The following BST1 variants were observed in gnomAD, a reference collection of about 807,000 sequenced individuals.
BST1 encodes ADP-ribosyl cyclase/cyclic ADP-ribose hydrolase 2.
Under a neutral mutation model 40.6 loss-of-function variants are expected in BST1, and 49 were observed. The observed-to-expected ratio is 1.21, with a 90% CI of 0.96 to 1.53. The LOEUF (loss-of-function observed/expected upper bound fraction) is 1.53, where lower values mean the gene tolerates loss of function less well. Among genes scored for constraint, BST1 ranks in the 40% most tolerant of loss-of-function variants. The probability of loss-of-function intolerance (pLI) is 0.00; values close to 1 mark genes in which losing one functional copy is unlikely to be tolerated. For missense variants in BST1, 423 were observed against 395.9 expected (o/e 1.07, Z -0.58); for synonymous variants, 157 against 159.3 (o/e 0.99, Z 0.11).
At chr4:15,714,387 G>A (rs1455026814) in intron 4 of BST1, among the ~76,000 whole-genome samples, 3 of 152,182 alleles carry the variant, frequency 2.0e-5, no homozygotes, top group South Asian at 4.2e-4. Context: ...CTGTGGACCT[G>A]TCTCACCCTT....
At chr4:15,731,380 G>A (rs1721364292) in intron 8 of BST1, 3 of 534,632 alleles carry the variant, frequency 5.6e-6, no homozygotes, top group Non-Finnish European at 1.0e-5. Flanking sequence ...TCCATGTGGT[G>A]GAAATCCACA....
the BST1 span, among the ~76,000 whole-genome samples, chr4:15,759,616 C>T: frequency 3.3e-5 from 5 of 151,904 alleles, no homozygotes; most frequent in African/African-American, 9.7e-5. Context: ...TCTTCTTCCT[C>T]ATTCCTTATT....
At chr4:15,720,003 A>G (rs1230923423) in intron 7 of BST1, among the ~76,000 whole-genome samples, 1 of 152,228 alleles carries the variant, frequency 6.6e-6, no homozygotes, top group Non-Finnish European at 1.5e-5. Context: ...CTATGTACAG[A>G]AAAATATACA....
At chr4:15,740,918 C>T (rs1387620018), downstream of BST1, among the ~76,000 whole-genome samples, 4 of 151,770 alleles carry the variant, frequency 2.6e-5, no homozygotes, top group South Asian at 6.2e-4. Context: ...CAACCTCTGT[C>T]GCAACTACTC....
At chr4:15,760,822 G>A in the BST1 span, among the ~76,000 whole-genome samples, 1 of 150,990 alleles carries the variant, frequency 6.6e-6, no homozygotes, top group South Asian at 2.1e-4. Context: ...ATGAGTAGTG[G>A]GGACCACAGG....
In BST1 at chr4:15,711,830, A is replaced by G. The variant is rs1396393458; in HGVS notation, c.475A>G (p.Thr159Ala). The G allele has an allele frequency of 4.3e-6, 7 of 1,614,078 alleles. No individual in the cohort carries two copies. Among genetic ancestry groups the G allele is most frequent in the South Asian group, 1.1e-5 (1 of 91,078 alleles). ...AGGACTCGATTACCAATCCTGCCCT[A>G]CATCAGAAGACTGTGAAAATAATCC... ...DSGLDYQSCP[T>A]SEDCENNPVD... Residue 159 changes from threonine (T) to alanine (A), a missense_variant, in exon 4 of 9, where the codon ACA (threonine) becomes GCA (alanine). Coordinates refer to ENST00000265016, the MANE Select transcript of BST1 (RefSeq NM_004334.3).
the BST1 span, among the ~76,000 whole-genome samples, chr4:15,759,345 A>G: frequency 1.3e-5 from 2 of 151,858 alleles, no homozygotes; most frequent in African/African-American, 2.4e-5. Context: ...ACCACACTCA[A>G]GTTTTCAAAT....
intron 8 of BST1, among the ~76,000 whole-genome samples, chr4:15,726,136 G>GTTTTTTTTT (rs58225702): frequency 2.8e-5 from 3 of 107,582 alleles, no homozygotes; most frequent in East Asian, 5.9e-4. Flanking sequence ...AACTTTTAAA[G>GTTTTTTTTT]TTTTTTTTTT....
chr4:15,715,926 G>C, intron 6 of BST1, 127 bp downstream of exon 6: 1 of 647,186 alleles, frequency 1.5e-6, no homozygotes, highest in South Asian at 3.0e-5. Flanking sequence ...TAATGGGGTT[G>C]GTAGAGAAAG....
At chr4:15,761,318 T>C in the BST1 span, among the ~76,000 whole-genome samples, 2 of 152,006 alleles carry the variant, frequency 1.3e-5, no homozygotes, top group Non-Finnish European at 2.9e-5. Context: ...ACTCTAGCTG[T>C]ACAGTTCTGG....
the BST1 span, among the ~76,000 whole-genome samples, chr4:15,749,249 G>T: frequency 2.6e-5 from 4 of 152,202 alleles, no homozygotes; most frequent in Non-Finnish European, 4.4e-5. Context: ...AGTCACAGGT[G>T]CTTCCCATTG....
intron 2 of BST1, 89 bp from the exon 3 acceptor site, chr4:15,707,422 G>C: frequency 4.0e-6 from 6 of 1,517,534 alleles, no homozygotes; most frequent in Non-Finnish European, 3.7e-6. Context: ...ATGAGAACTG[G>C]ATTGCCCAAC....
the BST1 span, among the ~76,000 whole-genome samples, chr4:15,750,420 G>A: frequency 6.6e-6 from 1 of 152,160 alleles, no homozygotes; most frequent in Non-Finnish European, 1.5e-5. Flanking sequence ...AAGAGTATTT[G>A]GCAATTCATT....
intron 7 of BST1, 102 bp from the exon 8 acceptor site, chr4:15,722,773 G>A (rs1720879498): frequency 1.1e-6 from 1 of 942,304 alleles, no homozygotes; most frequent in Admixed American, 2.0e-5. Context: ...ATTATTTGAG[G>A]TCAGAGACTA....
intron 4 of BST1, among the ~76,000 whole-genome samples, chr4:15,712,426 A>G (rs189788058): frequency 4.6e-5 from 7 of 152,348 alleles, no homozygotes; most frequent in Non-Finnish European, 8.8e-5. Flanking sequence ...ATAACATGCC[A>G]GTGACTACAG....
chr4:15,727,427 G>T (rs1483856343), intron 8 of BST1, among the ~76,000 whole-genome samples: 1 of 152,070 alleles, frequency 6.6e-6, no homozygotes, highest in Non-Finnish European at 1.5e-5. Flanking sequence ...CATCACCCTG[G>T]CAGGAATTTT....
intron 8 of BST1, among the ~76,000 whole-genome samples, chr4:15,725,947 CTTTTTTTTTTTT>C (rs1206237130): frequency 6.7e-5 from 4 of 60,114 alleles, no homozygotes; most frequent in South Asian, 1.7e-3. Flanking sequence ...GAAGTGCGGT[CTTTTTTTTTTTT>C]TTTTTTTTTT....
At chr4:15,726,136 GTTTTTTT>G (rs58225702) in intron 8 of BST1, among the ~76,000 whole-genome samples, 7 of 107,590 alleles carry the variant, frequency 6.5e-5, no homozygotes, top group African/African-American at 2.5e-4. Flanking sequence ...AACTTTTAAA[GTTTTTTT>G]TTTTTTTTTT....
At chr4:15,743,512 C>A in the BST1 span, 1 of 325,214 alleles carries the variant, frequency 3.1e-6, no homozygotes, top group South Asian at 2.7e-5. Flanking sequence ...AGAAAAAAAT[C>A]CTACCTAGAG....
Sources: gnomAD v4.1 joint callset for allele counts (sites outside exome capture counted in the v4.1 genomes callset) on GRCh38, gnomAD v4.1.1 for gene constraint, MANE v1.5 for transcripts, NCBI Gene and HGNC (gene_info 2026-07-23, HGNC 2026-07-21) for gene names.